Variants in RPS6KC1 observed in about 807,000 individuals in gnomAD.
RPS6KC1 encodes the protein ribosomal protein S6 kinase C1, also known as inactive ribosomal protein S6 kinase delta-1.
Under a neutral mutation model 103.8 loss-of-function variants are expected in RPS6KC1, and 54 were observed. The ratio of observed to expected loss-of-function variants is 0.52; its 90% CI spans 0.42 to 0.65. RPS6KC1 has a LOEUF of 0.65. Among genes scored for constraint, RPS6KC1 ranks in the 30% least tolerant of loss-of-function variants. The pLI is 0.00. For missense variants in RPS6KC1, 1,151 were observed against 1,253.8 expected, an observed-to-expected ratio of 0.92 and a Z score of 1.24; for synonymous variants, 439 against 438.7, an observed-to-expected ratio of 1.00 and a Z score of -0.01.
intron 6 of RPS6KC1, among the ~76,000 whole-genome samples, chr1:213,158,237 A>T (rs1232491284): frequency 2.6e-5 from 4 of 152,258 alleles, no homozygotes; most frequent in Admixed American, 6.5e-5. Context: ...TAAGCCAGGT[A>T]AATCAGTACT....
chr1:213,852,219 G>C, the RPS6KC1 span, among the ~76,000 whole-genome samples: 1 of 152,096 alleles, frequency 6.6e-6, no homozygotes, highest in Non-Finnish European at 1.5e-5. Context: ...TTGCCCTTGA[G>C]ATACAGTTTA....
chr1:213,852,435 C>G, the RPS6KC1 span, among the ~76,000 whole-genome samples: 1 of 152,214 alleles, frequency 6.6e-6, no homozygotes, highest in Admixed American at 6.5e-5. Flanking sequence ...CCCCACCCAA[C>G]TATCTAGCAA....
the RPS6KC1 span, among the ~76,000 whole-genome samples, chr1:213,808,467 A>G: frequency 6.6e-6 from 1 of 152,212 alleles, no homozygotes; most frequent in Non-Finnish European, 1.5e-5. Context: ...TGTTTACCCA[A>G]GCAAGCCTGG....
chr1:213,477,895 A>G, the RPS6KC1 span, among the ~76,000 whole-genome samples: 1 of 151,994 alleles, frequency 6.6e-6, no homozygotes, highest in African/African-American at 2.4e-5. Flanking sequence ...ACCAAAGTCT[A>G]TTGTTTACAT....
the RPS6KC1 span, among the ~76,000 whole-genome samples, chr1:213,342,334 A>G: frequency 6.6e-6 from 1 of 152,218 alleles, no homozygotes; most frequent in Non-Finnish European, 1.5e-5. Context: ...GAGAAGTTTC[A>G]TCATCTTGTT....
At chr1:213,558,439 T>C in the RPS6KC1 span, among the ~76,000 whole-genome samples, 729 of 152,258 alleles carry the variant, frequency 4.8e-3, 2 homozygotes, top group African/African-American at 0.017. Context: ...TATCTACCAT[T>C]TGGGGTACGG....
At chr1:213,153,222 AGAGAGGGAGAGGGAGACCGTGGG>A (rs1443020968) in intron 6 of RPS6KC1, among the ~76,000 whole-genome samples, 2 of 149,800 alleles carry the variant, frequency 1.3e-5, no homozygotes, top group African/African-American at 2.5e-5. Flanking sequence ...GACCGTGGAA[AGAGAGGGAGAGGGAGACCGTGGG>A]GAGAGGGAGA....
chr1:213,614,868 CTTAT>C, the RPS6KC1 span, among the ~76,000 whole-genome samples: 1 of 152,066 alleles, frequency 6.6e-6, no homozygotes, highest in Non-Finnish European at 1.5e-5. Context: ...TTATTTTTTA[CTTAT>C]TTATTTTATT....
the RPS6KC1 span, among the ~76,000 whole-genome samples, chr1:213,441,729 A>G: frequency 2.0e-5 from 3 of 152,184 alleles, no homozygotes; most frequent in East Asian, 3.8e-4. Context: ...GTCAAAGGGA[A>G]CCAAATCTCA....
chr1:213,248,409 G>A (rs1443445180), intron 12 of RPS6KC1, among the ~76,000 whole-genome samples: 1 of 152,006 alleles, frequency 6.6e-6, no homozygotes, highest in Non-Finnish European at 1.5e-5. Context: ...TTAGTCCTTT[G>A]CCCTCAGTTC....
At chr1:213,415,945 G>A in the RPS6KC1 span, among the ~76,000 whole-genome samples, 3 of 152,206 alleles carry the variant, frequency 2.0e-5, no homozygotes, top group Non-Finnish European at 2.9e-5. Flanking sequence ...ACTATTTGGG[G>A]ATTGTTAACT....
intron 4 of RPS6KC1, among the ~76,000 whole-genome samples, chr1:213,113,011 C>T (rs934071666): frequency 6.2e-4 from 94 of 152,222 alleles, no homozygotes; most frequent in African/African-American, 2.0e-3. Flanking sequence ...TGAATAATGC[C>T]GCAATAAACA....
the RPS6KC1 span, among the ~76,000 whole-genome samples, chr1:213,687,913 G>C: frequency 6.6e-6 from 1 of 152,138 alleles, no homozygotes; most frequent in African/African-American, 2.4e-5. Context: ...TCTCTGTGAT[G>C]AGGAACACAG....
In RPS6KC1 at chr1:213,232,740, G is replaced by A. The variant is rs141034240; in HGVS notation, c.1225+485G>A. Reference sequence around the variant, plus strand: ...TGAGTTTTTATGAATACAGCCATTGGCATCACATATGGGTACAAAGCAGAG... The same window carrying A: ...TGAGTTTTTATGAATACAGCCATTGACATCACATATGGGTACAAAGCAGAG... On this transcript the variant is annotated intron_variant, in intron 10 of 14. Coordinates refer to ENST00000366960, the MANE Select transcript of RPS6KC1 (RefSeq NM_012424.6). Among the ~76,000 whole-genome samples the A allele has an allele frequency of 5.7e-3, 868 of 152,202 alleles. 4 individuals are homozygous for A. The highest frequency in any genetic ancestry group is 8.8e-3 in the Non-Finnish European group (601 of 67,992).
the RPS6KC1 span, among the ~76,000 whole-genome samples, chr1:213,776,706 A>G: frequency 6.6e-6 from 1 of 152,200 alleles, no homozygotes; most frequent in Admixed American, 6.5e-5. Context: ...GAGAATCAGC[A>G]TGGCCTTTGA....
At chr1:213,480,379 A>T in the RPS6KC1 span, among the ~76,000 whole-genome samples, 7,549 of 152,018 alleles carry the variant, frequency 0.05, 603 homozygotes, top group African/African-American at 0.17. Flanking sequence ...TGCATTTTTG[A>T]TGCAATTGTG....
chr1:213,742,766 C>G, the RPS6KC1 span, among the ~76,000 whole-genome samples: 1 of 152,252 alleles, frequency 6.6e-6, no homozygotes, highest in African/African-American at 2.4e-5. Context: ...AGACTGGAAG[C>G]ACTGCATGCA....
At chr1:213,400,290 G>T in the RPS6KC1 span, among the ~76,000 whole-genome samples, 1 of 152,040 alleles carries the variant, frequency 6.6e-6, no homozygotes, top group African/African-American at 2.4e-5. Context: ...CATTTATTGA[G>T]CTCGACCATA....
At chr1:213,484,226 T>G in the RPS6KC1 span, among the ~76,000 whole-genome samples, 1 of 152,218 alleles carries the variant, frequency 6.6e-6, no homozygotes, top group Non-Finnish European at 1.5e-5. Flanking sequence ...ACCCAAAATG[T>G]AGCAGATGAA....
Sources: gnomAD v4.1 joint callset for allele counts (sites outside exome capture counted in the v4.1 genomes callset) on GRCh38, gnomAD v4.1.1 for gene constraint, MANE v1.5 for transcripts, NCBI Gene and HGNC (gene_info 2026-07-23, HGNC 2026-07-21) for gene names.